Variants in DCC observed in about 807,000 individuals in gnomAD.
DCC encodes DCC netrin 1 receptor.
DCC carries 58 observed loss-of-function variants against 172.5 expected under a neutral mutation model. The ratio of observed to expected loss-of-function variants is 0.34; its 90% confidence interval spans 0.27 to 0.42. DCC has a LOEUF of 0.42. Among genes scored for constraint, DCC ranks in the 10% least tolerant of loss-of-function variants. The pLI is 1.00. For synonymous variants in DCC, 709 were observed against 644.5 expected, an observed-to-expected ratio of 1.10 and a Z score of -1.52; for missense variants, 1,740 against 1,791.0, an observed-to-expected ratio of 0.97 and a Z score of 0.51.
intron 1 of DCC, among the ~76,000 whole-genome samples, chr18:52,424,230 T>C (rs1240303699): frequency 1.3e-5 from 2 of 152,188 alleles, no homozygotes; most frequent in African/African-American, 4.8e-5. Flanking sequence ...TCAGGTAGTA[T>C]GCTAAGTATT....
intron 3 of DCC, among the ~76,000 whole-genome samples, chr18:52,913,139 G>A (rs1429317631): frequency 6.6e-6 from 1 of 152,032 alleles, no homozygotes; most frequent in East Asian, 1.9e-4. Flanking sequence ...GCTAGGCAGA[G>A]CACAGGAGTA....
chr18:52,577,230 G>T (rs2033436240), intron 1 of DCC, among the ~76,000 whole-genome samples: 1 of 152,170 alleles, frequency 6.6e-6, no homozygotes, highest in Non-Finnish European at 1.5e-5. Flanking sequence ...CACCTGCATT[G>T]TCAGACATTT....
rs544192421 is a variant in DCC at position 53,298,821 on chromosome 18, A to C, written c.1912-6757A>C. Among the ~76,000 whole-genome samples the C allele has an allele frequency of 2.6e-5, 4 of 152,234 alleles. No individual in the cohort carries two copies. The South Asian group carries it at 8.3e-4, about 32-fold the overall frequency. Reference sequence around the variant, plus strand: ...TCTAGTTTTTAAAGAGAATAGGAGAAATTAGATGAGTATAATTGCCAAGTA... The same window carrying C: ...TCTAGTTTTTAAAGAGAATAGGAGACATTAGATGAGTATAATTGCCAAGTA... On this transcript the variant is annotated intron_variant, in intron 12 of 28. Coordinates refer to ENST00000442544, the MANE Select transcript of DCC (RefSeq NM_005215.4).
At chr18:52,610,382 CAAAAA>C (rs55715009) in intron 1 of DCC, among the ~76,000 whole-genome samples, 10 of 49,968 alleles carry the variant, frequency 2.0e-4, no homozygotes, top group African/African-American at 7.1e-4. Context: ...TCTGTCTCAA[CAAAAA>C]AAAAAAAAAA....
chr18:52,973,754 C>T (rs2041067519), intron 5 of DCC, among the ~76,000 whole-genome samples: 1 of 152,164 alleles, frequency 6.6e-6, no homozygotes, highest in Admixed American at 6.6e-5. Context: ...GATTCACATG[C>T]TGGTGTGAAT....
chr18:53,307,708 CTCAT>C, intron 13 of DCC, among the ~76,000 whole-genome samples: 1 of 151,300 alleles, frequency 6.6e-6, no homozygotes, highest in Middle Eastern at 3.4e-3. Flanking sequence ...AATGTTCAAT[CTCAT>C]TAGCAAATAG....
intron 1 of DCC, among the ~76,000 whole-genome samples, chr18:52,523,187 A>T (rs1013829777): frequency 6.6e-6 from 1 of 152,162 alleles, no homozygotes; most frequent in Non-Finnish European, 1.5e-5. Flanking sequence ...CAGATTCTAC[A>T]TGATTGCATC....
At chr18:52,428,177 C>T (rs930377407) in intron 1 of DCC, among the ~76,000 whole-genome samples, 2 of 152,100 alleles carry the variant, frequency 1.3e-5, no homozygotes, top group Admixed American at 6.6e-5. Context: ...TGCCTCTCTA[C>T]ATGCATATTG....
intron 1 of DCC, among the ~76,000 whole-genome samples, chr18:52,688,266 G>A (rs1374878061): frequency 6.6e-6 from 1 of 151,962 alleles, no homozygotes; most frequent in African/African-American, 2.4e-5. Context: ...TAAGCTCTGA[G>A]CTAAATGACT....
intron 1 of DCC, among the ~76,000 whole-genome samples, chr18:52,700,127 G>A (rs778147160): frequency 1.3e-4 from 20 of 148,868 alleles, no homozygotes; most frequent in African/African-American, 4.5e-4. Context: ...TCTCGTTTGC[G>A]CTCTCTCGCT....
intron 12 of DCC, among the ~76,000 whole-genome samples, chr18:53,276,817 G>C (rs150597872): frequency 8.5e-4 from 129 of 152,220 alleles, no homozygotes; most frequent in African/African-American, 3.0e-3. Context: ...AAGAAACATT[G>C]AATTTAAGAT....
intron 2 of DCC, among the ~76,000 whole-genome samples, chr18:52,904,325 A>G (rs2039850084): frequency 6.6e-6 from 1 of 152,192 alleles, no homozygotes; most frequent in Non-Finnish European, 1.5e-5. Context: ...TAACCCACAT[A>G]TAATTTTGGT....
intron 12 of DCC, among the ~76,000 whole-genome samples, chr18:53,298,799 A>G (rs1256267850): frequency 6.6e-6 from 1 of 152,132 alleles, no homozygotes; most frequent in East Asian, 1.9e-4. Context: ...TTTAAATTCT[A>G]GTTTTTAAAG....
Position 52,560,051 on chromosome 18 carries a change from A to G in DCC, c.92-192003A>G, listed in dbSNP as rs181239542. ...TCCATGCCCCACCATTTTTATTAGC[A>G]AGGTTATTTAAATAACAAAGAAAAA... On this transcript the variant is annotated intron_variant, in intron 1 of 28. Coordinates refer to ENST00000442544, the MANE Select transcript of DCC (RefSeq NM_005215.4). Among the ~76,000 whole-genome samples, 14 of 152,278 alleles carry G rather than the reference A, an allele frequency of 9.2e-5. No individual in the cohort carries two copies. In the East Asian group the frequency reaches 2.7e-3, roughly 29 times the overall value.
At chr18:52,968,445 G>A (rs1175304872) in intron 5 of DCC, among the ~76,000 whole-genome samples, 2 of 152,118 alleles carry the variant, frequency 1.3e-5, no homozygotes, top group African/African-American at 4.8e-5. Context: ...GAGCAGCTGT[G>A]TCCCTTATTC....
At chr18:53,170,486 T>A (rs989730684) in intron 8 of DCC, among the ~76,000 whole-genome samples, 5 of 152,246 alleles carry the variant, frequency 3.3e-5, no homozygotes, top group African/African-American at 4.8e-5. Flanking sequence ...TGTAGCTTTT[T>A]TCTATGTGAT....
chr18:52,835,058 G>C (rs1021679885), intron 2 of DCC, among the ~76,000 whole-genome samples: 2 of 152,070 alleles, frequency 1.3e-5, no homozygotes, highest in African/African-American at 4.8e-5. Context: ...GTTTTCATAG[G>C]CAAACAGCTT....
intron 2 of DCC, among the ~76,000 whole-genome samples, chr18:52,874,818 A>T (rs1015699596): frequency 6.6e-6 from 1 of 152,118 alleles, no homozygotes; most frequent in African/African-American, 2.4e-5. Context: ...GCCACAGGGG[A>T]AAGAAACTAG....
intron 1 of DCC, among the ~76,000 whole-genome samples, chr18:52,435,168 C>T (rs1024615452): frequency 1.3e-5 from 2 of 152,200 alleles, no homozygotes; most frequent in Non-Finnish European, 2.9e-5. Context: ...ATCTGCTCAT[C>T]TTCCTGCCTG....
Sources: allele counts gnomAD v4.1 joint callset (sites outside exome capture counted in the v4.1 genomes callset), GRCh38; gene constraint gnomAD v4.1.1; transcripts MANE v1.5; gene names NCBI Gene and HGNC (gene_info 2026-07-23, HGNC 2026-07-21).